METRNL: variants seen among roughly 807,000 people sequenced by gnomAD.
METRNL encodes the protein meteorin-like protein.
METRNL carries 9 observed loss-of-function variants against 17.4 expected under a neutral mutation model. That is an observed-to-expected ratio of 0.52 (90% CI 0.31 to 0.90). The LOEUF (loss-of-function observed/expected upper bound fraction) is 0.90. Ranked by LOEUF, METRNL falls within the 40% of genes least tolerant of loss-of-function variation. METRNL has a pLI of 0.05. For missense variants in METRNL, 408 were observed against 430.7 expected (o/e 0.95, Z 0.47); for synonymous variants, 215 against 199.3 (o/e 1.08, Z -0.66).
chr17:83,080,836 G>T (rs1242568799), intron 1 of METRNL, among the ~76,000 whole-genome samples: 1 of 150,394 alleles, frequency 6.6e-6, no homozygotes, highest in African/African-American at 2.4e-5. Context: ...CCCGGGCCTG[G>T]GTCCCGCTTC....
In METRNL at chr17:83,094,357, T is replaced by G. The variant is rs754391644; in HGVS notation, c.718T>G (p.Phe240Val). 4 of 1,610,808 alleles carry G rather than the reference T, an allele frequency of 2.5e-6. No homozygotes were observed. The highest frequency in any genetic ancestry group is 3.4e-6 in the Non-Finnish European group (4 of 1,178,544). Reference protein sequence around the residue: ...SRLYRQKSRVFEPVPEGDGHW... With the variant: ...SRLYRQKSRVVEPVPEGDGHW... ...ACTCTATCGGCAGAAAAGCAGGGTC[T>G]TCGAGCCGGTGCCCGAGGGTGACGG... Residue 240 changes from phenylalanine to valine, a missense_variant, in exon 4 of 4, where the codon TTC becomes GTC. Physicochemically the swap from Phe to Val is conservative, Grantham distance 50. Transcript: ENST00000320095.
rs1044694483 is a variant in METRNL, at chr17:83,079,677, G to T, written c.-139G>T. The T allele has an allele frequency of 4.6e-6, 1 of 217,056 alleles. No homozygotes were observed. Among genetic ancestry groups the T allele is most frequent in the African/African-American group, 2.4e-5 (1 of 41,862 alleles). 13.4% of individuals were successfully genotyped at this position (217,056 alleles called of 1,614,324 possible). On this transcript the variant is annotated 5_prime_UTR_variant, in exon 1 of 4. Coordinates refer to ENST00000320095, the MANE Select transcript of METRNL (RefSeq NM_001004431.3). ...TCCAGCGGGCCGGGATGGGCGGGCG[G>T]CCGCGCGGAGGACGCGGGGGGCGCG... is the stretch of plus-strand genomic sequence containing the variant.
In METRNL at chr17:83,079,963, G is replaced by A. The variant is rs1215999516; in HGVS notation, c.148G>A (p.Asp50Asn). Residue 50 changes from aspartate (D) to asparagine (N), a missense_variant, in exon 1 of 4, where the codon GAC becomes AAC. Physicochemically the swap from Asp to Asn is conservative, Grantham distance 23. Transcript: ENST00000320095. ...CGGCGCGGGCGCGCAGTACTCCAGCGACCGGTGCAGCTGGAAGGGGAGGTG... is the reference window on the plus strand; with the variant it reads ...CGGCGCGGGCGCGCAGTACTCCAGCAACCGGTGCAGCTGGAAGGGGAGGTG... Reference protein sequence around the residue: ...LGGAGAQYSSDRCSWKGSGLT... With the variant: ...LGGAGAQYSSNRCSWKGSGLT... 9.9e-7 allele frequency: 1 copy of A among 1,015,088 alleles called. No individual in the cohort carries two copies. The highest frequency in any genetic ancestry group is 1.2e-6 in the Non-Finnish European group (1 of 850,772). The allele number at this position is 1,015,088 out of a possible 1,614,324, so 62.9% of individuals were successfully genotyped here. A position where few individuals can be genotyped will look rare whatever the true frequency, so the allele number is the denominator to read the frequency against.
intron 2 of METRNL, among the ~76,000 whole-genome samples, chr17:83,088,696 G>A (rs1191066882): frequency 6.6e-6 from 1 of 152,020 alleles, no homozygotes; most frequent in Non-Finnish European, 1.5e-5. Flanking sequence ...GCGTCTCAGG[G>A]GCCTCAACGC....
At chr17:83,087,482 A>G (rs1311349542) in intron 2 of METRNL, among the ~76,000 whole-genome samples, 1 of 152,052 alleles carries the variant, frequency 6.6e-6, no homozygotes, top group African/African-American at 2.4e-5. Context: ...GGCCTCTCCT[A>G]TCCTGATGGG....
intron 1 of METRNL, among the ~76,000 whole-genome samples, chr17:83,083,279 C>T (rs73360462): frequency 0.013 from 1,915 of 152,328 alleles, 46 homozygotes; most frequent in African/African-American, 0.043. Flanking sequence ...GACCAGAGCC[C>T]GCTCCCTCGA....
Position 83,094,649 on chromosome 17 carries a change from T to C in METRNL, c.*74T>C, listed in dbSNP as rs1667530245. On this transcript the variant is annotated 3_prime_UTR_variant, in exon 4 of 4. Coordinates refer to ENST00000320095, the MANE Select transcript of METRNL (RefSeq NM_001004431.3). ...GGGCGCTGCGGTCCTGGTGGGGCCG[T>C]GCGGTGAGGGCCGCGCGCTGGGAGC... The C allele has an allele frequency of 7.8e-7, 1 of 1,274,788 alleles. No homozygotes were observed. The highest frequency in any genetic ancestry group is 1.5e-5 in the African/African-American group (1 of 65,106). 79.0% of individuals were successfully genotyped at this position (1,274,788 alleles called of 1,614,324 possible).
Position 83,079,832 on chromosome 17 carries a change from G to A in METRNL, c.17G>A (p.Arg6Gln), listed in dbSNP as rs1273070881. Residue 6 changes from arginine (R) to glutamine (Q), a missense_variant, in exon 1 of 4, where the codon CGG becomes CAG. By Grantham distance (43) the Arg-to-Gln change is conservative. Transcript: ENST00000320095. MRGAA[R>Q]AAWGRAGQPW... is the part of the protein sequence containing the mutation. ...CGCCAGAGCATGCGGGGCGCGGCGCGGGCGGCCTGGGGGCGCGCGGGGCAG... is the reference window on the plus strand; with the variant it reads ...CGCCAGAGCATGCGGGGCGCGGCGCAGGCGGCCTGGGGGCGCGCGGGGCAG... 3.1e-6 allele frequency: 3 copies of A among 976,468 alleles called. No individual in the cohort carries two copies. In the African/African-American group the frequency reaches 5.3e-5, roughly 17 times the overall value. The allele number at this position is 976,468 out of a possible 1,614,324, so 60.5% of individuals were successfully genotyped here.
At chr17:83,090,037 G>A (rs1054549676) in intron 2 of METRNL, among the ~76,000 whole-genome samples, 1 of 152,012 alleles carries the variant, frequency 6.6e-6, no homozygotes, top group African/African-American at 2.4e-5. Context: ...CTCACAGAGG[G>A]CGAAGTGCTA....
chr17:83,084,583 A>G, intron 1 of METRNL: 1 of 279,338 alleles, frequency 3.6e-6, no homozygotes, highest in Non-Finnish European at 6.6e-6. Flanking sequence ...GGGACATCGC[A>G]GAGATTGGTG....
rs1315177416 is a variant in METRNL at position 83,085,000 on chromosome 17, G to C, written c.233G>C (p.Gly78Ala). The change falls in exon 2 of 4, where the codon GGT (glycine) becomes GCT (alanine). Residue 78 changes from glycine to alanine, a missense_variant. Gly to Ala is a moderately conservative substitution (Grantham distance 60). Transcript: ENST00000320095. The part of the protein sequence containing the change: ...VEQVYLRCAA[G>A]AVEWMYPTGA... ...CAGGTGTATCTGCGCTGTGCGGCGG[G>C]TGCCGTGGAGTGGATGTACCCAACA... 1.2e-6 allele frequency: 2 copies of C among 1,613,628 alleles called. No homozygotes were observed. Among genetic ancestry groups the C allele is most frequent in the Non-Finnish European group, 1.7e-6 (2 of 1,179,998 alleles).
intron 1 of METRNL, chr17:83,084,171 A>C (rs1317000213): frequency 6.6e-6 from 1 of 152,218 alleles, no homozygotes. Flanking sequence ...GTCTTGCTGT[A>C]ATGATAGCTT....
intron 3 of METRNL, among the ~76,000 whole-genome samples, chr17:83,093,652 G>A (rs2038167398): frequency 6.6e-6 from 1 of 152,150 alleles, no homozygotes; most frequent in South Asian, 2.1e-4. Flanking sequence ...GCCCCCGGCG[G>A]CTCTGCGGCT....
At chr17:83,087,418 G>T (rs116853183) in intron 2 of METRNL, among the ~76,000 whole-genome samples, 4,707 of 152,236 alleles carry the variant, frequency 0.031, 146 homozygotes, top group Non-Finnish European at 0.041. Context: ...TCACGGGAAC[G>T]GGCACAGATG....
chr17:83,080,059 TGCGGGGGCGCGGCCGGGGGCGGGC>T (rs2037964498), intron 1 of METRNL, 74 bp downstream of exon 1: 1 of 896,192 alleles, frequency 1.1e-6, no homozygotes. Flanking sequence ...CGGCCGAGCG[TGCGGGGGCGCGGCCGGGGGCGGGC>T]GCGGGGCAGG....
At chr17:83,093,006 G>A (rs1472935306) in intron 2 of METRNL, among the ~76,000 whole-genome samples, 161 bp from the exon 3 acceptor site, 5 of 152,140 alleles carry the variant, frequency 3.3e-5, no homozygotes, top group Admixed American at 2.0e-4. Flanking sequence ...AGCACGTGCC[G>A]CCAACTCACA....
chr17:83,090,697 C>G (rs535084851), intron 2 of METRNL, among the ~76,000 whole-genome samples: 1 of 151,330 alleles, frequency 6.6e-6, no homozygotes, highest in Non-Finnish European at 1.5e-5. Flanking sequence ...TTGACCAGCT[C>G]TCTCTCAGCC....
rs543392934 is a variant in METRNL, at chr17:83,081,289, C to G, written c.170+1304C>G. Among the ~76,000 whole-genome samples, 406 of 152,274 alleles carry G rather than the reference C, an allele frequency of 2.7e-3. 2 individuals are homozygous for G. Among genetic ancestry groups the G allele is most frequent in the Middle Eastern group, 0.014 (4 of 292 alleles). On this transcript the variant is annotated intron_variant, in intron 1 of 3. Coordinates refer to ENST00000320095, the MANE Select transcript of METRNL (RefSeq NM_001004431.3). Reference sequence around the variant, plus strand: ...GTGATTCAGCCCCGGCTCGCTGCCTCTGCCCGGCGGGTCGGTGCATCCCCG... The same window carrying G: ...GTGATTCAGCCCCGGCTCGCTGCCTGTGCCCGGCGGGTCGGTGCATCCCCG...
intron 1 of METRNL, among the ~76,000 whole-genome samples, chr17:83,080,997 G>A (rs2037979742): frequency 6.6e-6 from 1 of 151,530 alleles, no homozygotes; most frequent in Non-Finnish European, 1.5e-5. Context: ...CCCCGCAGCC[G>A]CAGCCTCCGT....
Sources: allele counts gnomAD v4.1 joint callset (sites outside exome capture counted in the v4.1 genomes callset), GRCh38; gene constraint gnomAD v4.1.1; transcripts MANE v1.5; gene names NCBI Gene and HGNC (gene_info 2026-07-23, HGNC 2026-07-21).